DYNC1LI2: variants seen among roughly 807,000 people sequenced by gnomAD.
The protein encoded by DYNC1LI2 is cytoplasmic dynein 1 light intermediate chain 2.
In DYNC1LI2, 19 loss-of-function variants were observed where a neutral mutation model predicts 57.8. That is an observed-to-expected ratio of 0.33 (90% confidence interval 0.23 to 0.48). The LOEUF (loss-of-function observed/expected upper bound fraction) is 0.48. DYNC1LI2 is among the 20% of genes least tolerant of loss of function. The pLI, the probability that DYNC1LI2 is intolerant of heterozygous loss-of-function variation, is 0.99. For missense variants in DYNC1LI2, 470 were observed against 604.2 expected, an observed-to-expected ratio of 0.78 and a Z score of 2.33; for synonymous variants, 256 against 233.4, an observed-to-expected ratio of 1.10 and a Z score of -0.88.
intron 6 of DYNC1LI2, 81 bp downstream of exon 6, chr16:66,734,137 G>A (rs2144982824): frequency 7.7e-7 from 1 of 1,300,128 alleles, no homozygotes; most frequent in Non-Finnish European, 1.1e-6. Context: ...TTCTGGGTTT[G>A]GGAGGTGCTT....
At chr16:66,747,148 C>T (rs183900438) in intron 3 of DYNC1LI2, among the ~76,000 whole-genome samples, 5 of 151,460 alleles carry the variant, frequency 3.3e-5, no homozygotes, top group South Asian at 2.1e-4. Flanking sequence ...GGCACAATCT[C>T]GGTCACCGCA....
chr16:66,732,734 G>T, intron 6 of DYNC1LI2: 1 of 317,878 alleles, frequency 3.1e-6, no homozygotes, highest in Non-Finnish European at 5.7e-6. Context: ...CTATGTTGAT[G>T]CTAGTGGGCT....
At chr16:66,749,454 G>T in intron 2 of DYNC1LI2, 141 bp from the exon 3 acceptor site, 1 of 820,392 alleles carries the variant, frequency 1.2e-6, no homozygotes, top group Non-Finnish European at 2.0e-6. Context: ...CATAAACAAA[G>T]GACTTTGCTG....
At chr16:66,740,097 CAAGA>C (rs1423961993) in intron 4 of DYNC1LI2, among the ~76,000 whole-genome samples, 6 of 152,264 alleles carry the variant, frequency 3.9e-5, no homozygotes, top group African/African-American at 7.2e-5. Flanking sequence ...ATATATAAAA[CAAGA>C]AAGAGAAGAC....
intron 4 of DYNC1LI2, among the ~76,000 whole-genome samples, chr16:66,741,371 A>G (rs541823661): frequency 8.5e-5 from 13 of 152,376 alleles, no homozygotes; most frequent in Middle Eastern, 3.4e-3. Context: ...GCTGAGCTGC[A>G]TAACAATCAC....
intron 12 of DYNC1LI2, among the ~76,000 whole-genome samples, chr16:66,725,063 A>C (rs2017512191): frequency 6.6e-6 from 1 of 151,688 alleles, no homozygotes; most frequent in African/African-American, 2.4e-5. Flanking sequence ...AGTCCCAGCT[A>C]CTCGGGAGGC....
At position 66,744,353 on chromosome 16, in the gene DYNC1LI2, G is replaced by A. The variant is rs568877686; in HGVS notation, c.299-1685C>T. Among the ~76,000 whole-genome samples, 12 of 152,238 alleles carry A rather than the reference G, an allele frequency of 7.9e-5. No homozygotes were observed. The South Asian group carries it at 2.5e-3, about 32-fold the overall frequency. On this transcript the variant is annotated intron_variant, in intron 3 of 12. Transcript: ENST00000258198. Reference sequence around the variant, plus strand: ...AGGCCTGAGCCAGTGCGCCCAGCCAGAACTGGTAATTGTTGAAGCAAGGTG... The same window carrying A: ...AGGCCTGAGCCAGTGCGCCCAGCCAAAACTGGTAATTGTTGAAGCAAGGTG...
chr16:66,745,437 C>G, intron 3 of DYNC1LI2, among the ~76,000 whole-genome samples: 1 of 151,854 alleles, frequency 6.6e-6, no homozygotes. Flanking sequence ...TGCCACCATA[C>G]TGGCTGATTT....
At chr16:66,740,908 C>T (rs1026039442) in intron 4 of DYNC1LI2, among the ~76,000 whole-genome samples, 5 of 152,276 alleles carry the variant, frequency 3.3e-5, no homozygotes, top group Middle Eastern at 3.4e-3. Context: ...TTGTTTAAGC[C>T]ATTATGTTAT....
chr16:66,736,627 A>G lies in DYNC1LI2; in HGVS notation c.530-383T>C, dbSNP rs1472684441. ...ATCTTCCCACTTCAGCTTCCCAAGTAGCTGGGACTAAAGGCATGTGCCACC... is the reference window on the plus strand; with the variant it reads ...ATCTTCCCACTTCAGCTTCCCAAGTGGCTGGGACTAAAGGCATGTGCCACC... On this transcript the variant is annotated intron_variant, in intron 4 of 12. Transcript: ENST00000258198. Among the ~76,000 whole-genome samples, 3 of 152,122 alleles carry G rather than the reference A, an allele frequency of 2.0e-5. No homozygotes were observed. In the East Asian group the frequency reaches 5.8e-4, roughly 29 times the overall value.
chr16:66,742,033 A>C (rs1331986842), intron 4 of DYNC1LI2, among the ~76,000 whole-genome samples: 1 of 152,102 alleles, frequency 6.6e-6, no homozygotes, highest in Non-Finnish European at 1.5e-5. Context: ...ACGAGGGTCC[A>C]TAGGGCCTTA....
chr16:66,747,746 T>C (rs1341490661), intron 3 of DYNC1LI2, among the ~76,000 whole-genome samples: 1 of 151,554 alleles, frequency 6.6e-6, no homozygotes, highest in Non-Finnish European at 1.5e-5. Context: ...ATGTTTTGTA[T>C]TGTTAGTAGA....
At chr16:66,747,718 C>T (rs980366795) in intron 3 of DYNC1LI2, among the ~76,000 whole-genome samples, 3 of 151,778 alleles carry the variant, frequency 2.0e-5, no homozygotes, top group African/African-American at 7.3e-5. Flanking sequence ...TACAGGCATG[C>T]ACCACCACGC....
chr16:66,733,995 A>AAAAC (rs199927926), intron 6 of DYNC1LI2: 73 of 496,264 alleles, frequency 1.5e-4, no homozygotes, highest in East Asian at 2.1e-4. Context: ...ACACCATCTT[A>AAAAC]AAACAAACAA....
In DYNC1LI2 at chr16:66,722,809, G is replaced by A. The variant is rs948220720; in HGVS notation, c.*913C>T. On this transcript the variant is annotated 3_prime_UTR_variant, in exon 13 of 13. Transcript: ENST00000258198. ...AAACCAGAGGTTCATCACCTATTTTGTATTAGTTAGGCCAGCCTGTGATAG... is the reference window on the plus strand; with the variant it reads ...AAACCAGAGGTTCATCACCTATTTTATATTAGTTAGGCCAGCCTGTGATAG... The A allele has an allele frequency of 6.5e-6, 1 of 153,176 alleles. No individual in the cohort carries two copies. The highest frequency in any genetic ancestry group is 1.5e-5 in the Non-Finnish European group (1 of 68,560). The allele number at this position is 153,176 out of a possible 1,614,324, so 9.5% of individuals were successfully genotyped here.
intron 5 of DYNC1LI2, among the ~76,000 whole-genome samples, chr16:66,735,493 T>C (rs1024914880): frequency 2.7e-5 from 4 of 147,978 alleles, no homozygotes; most frequent in Non-Finnish European, 5.9e-5. Flanking sequence ...AGGAAACTGC[T>C]GTGAGTTCTT....
chr16:66,723,706 C>T lies in DYNC1LI2; in HGVS notation c.*16G>A, dbSNP rs1260181305. The T allele has an allele frequency of 6.3e-7, 1 of 1,592,548 alleles. No homozygotes were observed. The highest frequency in any genetic ancestry group is 1.2e-5 in the South Asian group (1 of 86,486). On this transcript the variant is annotated 3_prime_UTR_variant, in exon 13 of 13. Coordinates refer to ENST00000258198, the MANE Select transcript of DYNC1LI2 (RefSeq NM_006141.3). Reference sequence around the variant, plus strand: ...TAGTTATTTGGTCATTCGACATATGCACTTTTTAAGGAGGTTCAGGCTTCA... The same window carrying T: ...TAGTTATTTGGTCATTCGACATATGTACTTTTTAAGGAGGTTCAGGCTTCA...
chr16:66,732,246 A>G, intron 7 of DYNC1LI2, 93 bp downstream of exon 7: 2 of 1,481,012 alleles, frequency 1.4e-6, no homozygotes, highest in Admixed American at 4.4e-5. Context: ...TAGAAGACAC[A>G]GACAGAAGGC....
chr16:66,727,995 G>A, intron 10 of DYNC1LI2, 190 bp from the exon 11 acceptor site: 1 of 860,226 alleles, frequency 1.2e-6, no homozygotes, highest in South Asian at 1.8e-5. Flanking sequence ...AACAAAGCCA[G>A]CTCACTCTAA....
Sources: allele counts gnomAD v4.1 joint callset (sites outside exome capture counted in the v4.1 genomes callset), GRCh38; gene constraint gnomAD v4.1.1; transcripts MANE v1.5; gene names NCBI Gene and HGNC (gene_info 2026-07-23, HGNC 2026-07-21).